The following ZNF610 variants were observed in gnomAD, a reference collection of about 807,000 sequenced individuals.
ZNF610 encodes zink finger protein.
Under a neutral mutation model 14.1 loss-of-function variants are expected in ZNF610, and 14 were observed. The observed-to-expected ratio is 0.99, with a 90% confidence interval of 0.65 to 1.55. ZNF610 has a LOEUF of 1.55. Ranked by LOEUF, ZNF610 falls within the 40% of genes most tolerant of loss-of-function variation. ZNF610 has a pLI of 0.00. For missense variants in ZNF610, 530 were observed against 558.0 expected, an observed-to-expected ratio of 0.95 and a Z score of 0.51; for synonymous variants, 185 against 187.6, an observed-to-expected ratio of 0.99 and a Z score of 0.11.
intron 3 of ZNF610, among the ~76,000 whole-genome samples, chr19:52,349,820 C>T (rs894886778): frequency 5.9e-5 from 9 of 152,090 alleles, no homozygotes; most frequent in South Asian, 2.1e-4. Flanking sequence ...CCACCTGCCT[C>T]GGCCTCCCAA....
chr19:52,364,346 G>C (rs1014311221), intron 5 of ZNF610, among the ~76,000 whole-genome samples: 1 of 151,754 alleles, frequency 6.6e-6, no homozygotes, highest in Non-Finnish European at 1.5e-5. Context: ...TTCCATATTT[G>C]ATCATTTATT....
chr19:52,340,595 G>A (rs1030482491), intron 1 of ZNF610, among the ~76,000 whole-genome samples: 1 of 151,918 alleles, frequency 6.6e-6, no homozygotes, highest in Non-Finnish European at 1.5e-5. Context: ...TGTACACCAT[G>A]TGCCAGCCCC....
chr19:52,341,673 C>T (rs1332424951), intron 1 of ZNF610, among the ~76,000 whole-genome samples: 2 of 152,118 alleles, frequency 1.3e-5, no homozygotes, highest in African/African-American at 2.4e-5. Context: ...ATTGCACAGG[C>T]TGGAGTGCAG....
At position 52,366,123 on chromosome 19, in the gene ZNF610, G is replaced by GGCATC; in HGVS notation, c.745_746insGCATC (p.Glu249GlyfsTer62). ...CTTCAGTCGCAATTCACACCTTGTA[G>GGCATC]AACATTGGAGAATTCATACTGGACA... On this transcript the variant is annotated frameshift_variant, in exon 6 of 6. Transcript: ENST00000403906. LOFTEE classifies it low-confidence loss of function (END_TRUNC). 8 of 1,613,494 alleles carry GGCATC rather than the reference G, an allele frequency of 5.0e-6. No homozygotes were observed. In the South Asian group the frequency reaches 6.6e-5, roughly 13 times the overall value.
Position 52,366,465 on chromosome 19 carries a change from C to G in ZNF610, c.1087C>G (p.Gln363Glu), listed in dbSNP as rs1986066630. The change falls in exon 6 of 6, where the codon CAA becomes GAA. Residue 363 changes from glutamine to glutamate, a missense_variant. Coordinates refer to ENST00000403906, the MANE Select transcript of ZNF610 (RefSeq NM_001161425.2). ...TCTGCTTTCATACCTTGCACGGCAT[C>G]AAATAATTCATAGTACAGAGAAGCC... ...FSLLSYLARH[Q>E]IIHSTEKPYK... 6.2e-7 allele frequency: 1 copy of G among 1,614,138 alleles called. No individual in the cohort carries two copies.
chr19:52,354,336 A>C lies in ZNF610; in HGVS notation c.276A>C (p.Val92=). The change falls in exon 5 of 6, where the codon GTA becomes GTC. Residue 92 remains valine (V), a synonymous_variant. Coordinates refer to ENST00000403906, the MANE Select transcript of ZNF610 (RefSeq NM_001161425.2). ...PLILQSQVKI[V]KNTDGRECVR... Reference sequence around the variant, plus strand: ...TTCTGCAAAGTCAAGTTAAAATAGTAAAAAATACAGATGGAAGGGAATGTG... The same window carrying C: ...TTCTGCAAAGTCAAGTTAAAATAGTCAAAAATACAGATGGAAGGGAATGTG... 3 of 1,614,146 alleles carry C rather than the reference A, an allele frequency of 1.9e-6. No individual in the cohort carries two copies. Among genetic ancestry groups the C allele is most frequent in the Non-Finnish European group, 2.5e-6 (3 of 1,180,002 alleles).
intron 1 of ZNF610, among the ~76,000 whole-genome samples, chr19:52,346,310 A>G (rs891570909): frequency 1.3e-5 from 2 of 150,280 alleles, no homozygotes; most frequent in Non-Finnish European, 3.0e-5. Flanking sequence ...GATTACAGGC[A>G]TGCGCCACCA....
chr19:52,349,891 C>T (rs1263460631), intron 3 of ZNF610, among the ~76,000 whole-genome samples: 1 of 152,144 alleles, frequency 6.6e-6, no homozygotes, highest in East Asian at 1.9e-4. Context: ...TTAATGCACA[C>T]AAGTACCTGG....
intron 1 of ZNF610, among the ~76,000 whole-genome samples, chr19:52,343,003 A>G (rs1600230380): frequency 6.7e-6 from 1 of 148,384 alleles, no homozygotes; most frequent in African/African-American, 2.5e-5. Context: ...CTCTCCACCC[A>G]CCCCTCTCTC....
chr19:52,343,460 C>G (rs975369107), intron 1 of ZNF610, among the ~76,000 whole-genome samples: 3 of 144,730 alleles, frequency 2.1e-5, no homozygotes, highest in African/African-American at 7.8e-5. Flanking sequence ...CCCAGCTACT[C>G]CAGGAGGCTG....
intron 1 of ZNF610, among the ~76,000 whole-genome samples, chr19:52,342,300 A>T (rs1265734286): frequency 6.6e-6 from 1 of 152,068 alleles, no homozygotes; most frequent in East Asian, 1.9e-4. Flanking sequence ...AAAACAAAAA[A>T]TATTATATTA....
intron 2 of ZNF610, among the ~76,000 whole-genome samples, chr19:52,348,416 A>G (rs1332788628): frequency 6.6e-6 from 1 of 150,974 alleles, no homozygotes; most frequent in African/African-American, 2.4e-5. Flanking sequence ...TTTTTTTGTA[A>G]TTATTTCAGT....
intron 5 of ZNF610, among the ~76,000 whole-genome samples, chr19:52,364,358 A>G (rs1332000493): frequency 5.9e-5 from 9 of 151,996 alleles, no homozygotes; most frequent in Admixed American, 5.2e-4. Context: ...TCATTTATTG[A>G]CCTTTAATGG....
intron 4 of ZNF610, 146 bp from the exon 5 acceptor site, chr19:52,354,105 C>G (rs1410509417): frequency 6.1e-6 from 7 of 1,143,294 alleles, no homozygotes; most frequent in Non-Finnish European, 8.7e-6. Flanking sequence ...TGCATATTCC[C>G]TAAGCATTCA....
intron 5 of ZNF610, among the ~76,000 whole-genome samples, chr19:52,357,077 C>G (rs1388099360): frequency 6.6e-6 from 1 of 152,140 alleles, no homozygotes; most frequent in African/African-American, 2.4e-5. Flanking sequence ...GTCATAAGTC[C>G]AGGCCTCTGG....
At chr19:52,339,290 A>T (rs565640212) in intron 1 of ZNF610, among the ~76,000 whole-genome samples, 1 of 151,992 alleles carries the variant, frequency 6.6e-6, no homozygotes, top group Non-Finnish European at 1.5e-5. Flanking sequence ...TTCCTCTTTC[A>T]CTAATCCTCA....
At chr19:52,334,191 C>T (rs1274910595), upstream of ZNF610, among the ~76,000 whole-genome samples, 3 of 152,138 alleles carry the variant, frequency 2.0e-5, no homozygotes, top group Non-Finnish European at 4.4e-5. Context: ...ATCTATAAAT[C>T]TTCTAAAATA....
At position 52,347,709 on chromosome 19, in the gene ZNF610, A is replaced by C. The variant is rs1234200201; in HGVS notation, c.-255A>C. 6.6e-6 allele frequency: 1 copy of C among 152,062 alleles called. No individual in the cohort carries two copies. The highest frequency in any genetic ancestry group is 1.5e-5 in the Non-Finnish European group (1 of 68,004). 9.4% of individuals were successfully genotyped at this position (152,062 alleles called of 1,614,324 possible). On this transcript the variant is annotated splice_region_variant and 5_prime_UTR_variant, in exon 2 of 6. Transcript: ENST00000403906. ...ATTTCTTGTATTTTTTTTTGTAGAC[A>C]CAGGAGTGTTGCCATGTTGTCCAAA...
chr19:52,339,906 G>GC (rs1211221550), intron 1 of ZNF610, among the ~76,000 whole-genome samples: 1 of 152,128 alleles, frequency 6.6e-6, no homozygotes, highest in Non-Finnish European at 1.5e-5. Context: ...TGATCCACCC[G>GC]CCTTGGCCTC....
Sources: allele counts gnomAD v4.1 joint callset (sites outside exome capture counted in the v4.1 genomes callset), GRCh38; gene constraint gnomAD v4.1.1; transcripts MANE v1.5; gene names NCBI Gene and HGNC (gene_info 2026-07-23, HGNC 2026-07-21).